Variants in TAOK1 observed in about 807,000 individuals in gnomAD.
The protein encoded by TAOK1 is TAO kinase 1, also known as serine/threonine-protein kinase TAO1.
In TAOK1, 21 loss-of-function variants were observed where a neutral mutation model predicts 138.3. The ratio of observed to expected loss-of-function variants is 0.15; its 90% CI spans 0.11 to 0.22. TAOK1 has a LOEUF of 0.22. TAOK1 is among the 10% of genes least tolerant of loss of function. TAOK1 has a pLI of 1.00. For synonymous variants in TAOK1, 361 were observed against 398.4 expected (o/e 0.91, Z 1.12); for missense variants, 651 against 1,227.7 (o/e 0.53, Z 7.02).
chr17:29,518,273 G>A (rs1000290368), intron 16 of TAOK1, among the ~76,000 whole-genome samples: 17 of 152,198 alleles, frequency 1.1e-4, no homozygotes, highest in Non-Finnish European at 2.4e-4. Context: ...CTAGGAGTTT[G>A]AGACCAGACA....
intron 1 of TAOK1, among the ~76,000 whole-genome samples, chr17:29,411,711 A>G (rs1905148917): frequency 6.6e-6 from 1 of 152,104 alleles, no homozygotes; most frequent in Non-Finnish European, 1.5e-5. Flanking sequence ...TACTTTCTAT[A>G]TCATAATCTG....
intron 1 of TAOK1, among the ~76,000 whole-genome samples, chr17:29,391,685 T>A (rs1438140676): frequency 1.3e-5 from 2 of 152,222 alleles, no homozygotes; most frequent in Non-Finnish European, 2.9e-5. Flanking sequence ...GTTTTAATAC[T>A]CTTCCCCTGA....
chr17:29,493,768 A>T (rs567760479), intron 10 of TAOK1, among the ~76,000 whole-genome samples: 1 of 152,138 alleles, frequency 6.6e-6, no homozygotes, highest in East Asian at 1.9e-4. Context: ...AAAACTAATA[A>T]AAAAATTTAA....
At position 29,534,135 on chromosome 17, in the gene TAOK1, A is replaced by T. The variant is rs1383678472; in HGVS notation, c.2379A>T (p.Ala793=). 13 of 1,608,142 alleles carry T rather than the reference A, an allele frequency of 8.1e-6. No individual in the cohort carries two copies. The highest frequency in any genetic ancestry group is 1.1e-5 in the Non-Finnish European group (13 of 1,177,926). ...LSTQALRLDE[A]QEAECQVLKM... ...TGTCTCAGCTGCGTTTGGATGAAGCACAGGAAGCAGAGTGCCAGGTTTTGA... is the reference window on the plus strand; with the variant it reads ...TGTCTCAGCTGCGTTTGGATGAAGCTCAGGAAGCAGAGTGCCAGGTTTTGA... Residue 793 remains alanine, a synonymous_variant, in exon 19 of 20, where the codon GCA becomes GCT. Transcript: ENST00000261716.
At position 29,546,762 on chromosome 17, in the gene TAOK1, C is replaced by T. The variant is rs1331810529; in HGVS notation, c.*3740C>T. ...TATAGATGGATGGATGTAACTCATA[C>T]TGTACATTTCCATCAGGGCACTTAA... On this transcript the variant is annotated 3_prime_UTR_variant, in exon 20 of 20. Coordinates refer to ENST00000261716, the MANE Select transcript of TAOK1 (RefSeq NM_020791.4). The T allele has an allele frequency of 2.0e-5, 3 of 152,070 alleles. No homozygotes were observed. The highest frequency in any genetic ancestry group is 6.6e-5 in the Admixed American group (1 of 15,260). The allele number at this position is 152,070 out of a possible 1,614,324, so 9.4% of individuals were successfully genotyped here.
chr17:29,459,368 G>T (rs551081676), intron 2 of TAOK1, among the ~76,000 whole-genome samples: 1 of 152,046 alleles, frequency 6.6e-6, no homozygotes, highest in East Asian at 1.9e-4. Flanking sequence ...TGCAAACACC[G>T]CCTGCTGGGT....
At position 29,543,187 on chromosome 17, in the gene TAOK1, T is replaced by C. The variant is rs2032348455; in HGVS notation, c.*165T>C. On this transcript the variant is annotated 3_prime_UTR_variant, in exon 20 of 20. Transcript: ENST00000261716. ...AAGCGTTCTGTTTTGTGTTTACTAA[T>C]TGGGATGTCATAGTACTTGGCTGCC... The C allele has an allele frequency of 7.7e-6, 5 of 647,744 alleles. No individual in the cohort carries two copies. Among genetic ancestry groups the C allele is most frequent in the African/African-American group, 3.6e-5 (2 of 55,346 alleles). 40.1% of individuals were successfully genotyped at this position (647,744 alleles called of 1,614,324 possible).
chr17:29,536,078 C>T (rs1166552364), intron 19 of TAOK1, among the ~76,000 whole-genome samples: 2 of 147,342 alleles, frequency 1.4e-5, no homozygotes, highest in Admixed American at 1.3e-4. Flanking sequence ...GGGAGCAGAT[C>T]GCCTGTGGTC....
intron 12 of TAOK1, among the ~76,000 whole-genome samples, chr17:29,499,616 G>C (rs1478796334): frequency 7.0e-6 from 1 of 143,670 alleles, no homozygotes; most frequent in Non-Finnish European, 1.5e-5. Context: ...CTGGAGTGCA[G>C]TGGCGCAATC....
Position 29,401,961 on chromosome 17 carries a change from T to G in TAOK1, c.-95+10937T>G, listed in dbSNP as rs146196068. ...CACTGTGCCTGAACTAAAATTTCTT[T>G]TTTTACCTCATCCCTTTTACTTCTA... On this transcript the variant is annotated intron_variant, in intron 1 of 19. Coordinates refer to ENST00000261716, the MANE Select transcript of TAOK1 (RefSeq NM_020791.4). Among the ~76,000 whole-genome samples the G allele has an allele frequency of 2.6e-5, 4 of 152,304 alleles. No individual in the cohort carries two copies. The East Asian group carries it at 7.7e-4, about 29-fold the overall frequency.
intron 13 of TAOK1, among the ~76,000 whole-genome samples, chr17:29,506,194 C>A (rs926398201): frequency 6.6e-6 from 1 of 152,126 alleles, no homozygotes; most frequent in South Asian, 2.1e-4. Flanking sequence ...TTCACAATAG[C>A]TAAGTCATGG....
At chr17:29,541,422 T>G (rs2032314881) in intron 19 of TAOK1, among the ~76,000 whole-genome samples, 1 of 152,118 alleles carries the variant, frequency 6.6e-6, no homozygotes, top group Non-Finnish European at 1.5e-5. Context: ...GATAGGACTT[T>G]TGACTTTAAT....
rs188027908 is a variant in TAOK1, at chr17:29,500,492, C to T, written c.1203+1971C>T. On this transcript the variant is annotated intron_variant, in intron 12 of 19. Coordinates refer to ENST00000261716, the MANE Select transcript of TAOK1 (RefSeq NM_020791.4). ...GTGTAGTGGTTTACGCCTGTAATCC[C>T]AGCACTTTGGGAGGCCGAGGCAGGC... is the stretch of plus-strand genomic sequence containing the variant. Among the ~76,000 whole-genome samples the T allele has an allele frequency of 2.2e-4, 33 of 152,184 alleles. 1 individual carries two copies. The highest frequency in any genetic ancestry group is 1.9e-3 in the Admixed American group (29 of 15,278).
intron 1 of TAOK1, among the ~76,000 whole-genome samples, chr17:29,408,546 C>T (rs989400086): frequency 6.6e-6 from 1 of 151,930 alleles, no homozygotes; most frequent in Non-Finnish European, 1.5e-5. Context: ...TTTTACCAAG[C>T]TTTAATTTAT....
intron 3 of TAOK1, among the ~76,000 whole-genome samples, chr17:29,475,204 G>A (rs2030919486): frequency 6.6e-6 from 1 of 152,156 alleles, no homozygotes; most frequent in Non-Finnish European, 1.5e-5. Flanking sequence ...CTCCCAAAGT[G>A]CTGGGATTAC....
chr17:29,516,702 T>C (rs1271279006), intron 15 of TAOK1, among the ~76,000 whole-genome samples: 3 of 151,806 alleles, frequency 2.0e-5, no homozygotes, highest in Non-Finnish European at 1.5e-5. Context: ...GGTTTCTCCA[T>C]GTTGGTCACG....
At chr17:29,531,225 C>T (rs1214692896) in intron 18 of TAOK1, among the ~76,000 whole-genome samples, 2 of 151,556 alleles carry the variant, frequency 1.3e-5, no homozygotes, top group African/African-American at 4.8e-5. Flanking sequence ...CCTCGGCCTC[C>T]CAAAGTGCTG....
At chr17:29,399,677 G>T (rs576862266) in intron 1 of TAOK1, among the ~76,000 whole-genome samples, 28 of 152,236 alleles carry the variant, frequency 1.8e-4, no homozygotes, top group Admixed American at 2.6e-4. Flanking sequence ...AGAATATCAA[G>T]GTAGCTTAGT....
In TAOK1 at chr17:29,390,778, G is replaced by A. The variant is rs999104740; in HGVS notation, c.-341G>A. 3.9e-5 allele frequency: 6 copies of A among 151,998 alleles called. No homozygotes were observed. Among genetic ancestry groups the A allele is most frequent in the Admixed American group, 6.6e-5 (1 of 15,244 alleles). The allele number at this position is 151,998 out of a possible 1,614,324, so 9.4% of individuals were successfully genotyped here. A position where few individuals can be genotyped will look rare whatever the true frequency, so the allele number is the denominator to read the frequency against. On this transcript the variant is annotated 5_prime_UTR_variant, in exon 1 of 20. Transcript: ENST00000261716. Reference sequence around the variant, plus strand: ...GGCACTTCCCCGCGCCATCTTAACTGAGCCCAAGCGCTGAGGGCGCCTCCT... The same window carrying A: ...GGCACTTCCCCGCGCCATCTTAACTAAGCCCAAGCGCTGAGGGCGCCTCCT...
Sources: allele counts gnomAD v4.1 joint callset (sites outside exome capture counted in the v4.1 genomes callset), GRCh38; gene constraint gnomAD v4.1.1; transcripts MANE v1.5; gene names NCBI Gene and HGNC (gene_info 2026-07-23, HGNC 2026-07-21).